The following MAPK10 variants were observed in gnomAD, a reference collection of about 807,000 sequenced individuals.
The protein encoded by MAPK10 is JNK3 alpha protein kinase.
A neutral mutation model predicts 59.3 loss-of-function variants in MAPK10; 25 were observed. That is an observed-to-expected ratio of 0.42 (90% CI 0.31 to 0.59). The LOEUF is 0.59. Among genes scored for constraint, MAPK10 ranks in the 20% least tolerant of loss-of-function variants. The pLI is 0.15. For missense variants in MAPK10, 351 were observed against 568.9 expected (o/e 0.62, Z 3.90); for synonymous variants, 190 against 200.5 (o/e 0.95, Z 0.44).
intron 2 of MAPK10, among the ~76,000 whole-genome samples, chr4:86,296,436 G>A (rs1248188625): frequency 6.6e-6 from 1 of 152,084 alleles, no homozygotes; most frequent in Admixed American, 6.5e-5. Flanking sequence ...ACCCCTGACA[G>A]ACAAATGGAA....
chr4:86,089,598 C>T (rs2052668117), intron 9 of MAPK10: 1 of 210,926 alleles, frequency 4.7e-6, no homozygotes, highest in African/African-American at 2.3e-5. Context: ...TTACTAGAAT[C>T]CTACTGATTT....
intron 2 of MAPK10, among the ~76,000 whole-genome samples, chr4:86,267,569 G>A (rs1028687394): frequency 2.0e-5 from 3 of 152,068 alleles, no homozygotes; most frequent in Admixed American, 2.0e-4. Context: ...TCTGTTCCCT[G>A]CCTCTCCTGG....
At chr4:86,270,165 C>A (rs1166028490) in intron 2 of MAPK10, among the ~76,000 whole-genome samples, 1 of 151,976 alleles carries the variant, frequency 6.6e-6, no homozygotes, top group Non-Finnish European at 1.5e-5. Context: ...AAATTGAATG[C>A]AAAATTCTAT....
intron 4 of MAPK10, among the ~76,000 whole-genome samples, chr4:86,131,627 G>A (rs545916219): frequency 1.3e-5 from 2 of 152,276 alleles, no homozygotes; most frequent in East Asian, 3.9e-4. Flanking sequence ...TGAATTACTG[G>A]CAGCATGTTG....
At chr4:86,035,552 T>G (rs1460889363) in intron 11 of MAPK10, among the ~76,000 whole-genome samples, 2 of 151,032 alleles carry the variant, frequency 1.3e-5, no homozygotes, top group Admixed American at 1.3e-4. Flanking sequence ...AAAAAAATAT[T>G]GAAAGTTCTG....
chr4:86,260,548 T>C (rs1433756223), intron 2 of MAPK10, among the ~76,000 whole-genome samples: 1 of 152,074 alleles, frequency 6.6e-6, no homozygotes, highest in Admixed American at 6.5e-5. Context: ...TCCATTGAAG[T>C]TCAAGGGAGA....
intron 1 of MAPK10, among the ~76,000 whole-genome samples, chr4:86,394,518 A>G (rs1160854199): frequency 6.6e-6 from 1 of 152,118 alleles, no homozygotes; most frequent in Non-Finnish European, 1.5e-5. Context: ...GTTTTTTGCT[A>G]CAAATAATAT....
upstream of MAPK10, among the ~76,000 whole-genome samples, chr4:86,454,750 T>C (rs1377505514): frequency 1.3e-5 from 2 of 152,150 alleles, no homozygotes; most frequent in African/African-American, 2.4e-5. Context: ...GCTAGAGAAC[T>C]AGACATCCAA....
intron 13 of MAPK10, chr4:86,025,404 C>A: frequency 2.5e-6 from 1 of 396,648 alleles, no homozygotes; most frequent in South Asian, 1.3e-4. Context: ...AACAGGAGTT[C>A]TAAACCATAA....
At chr4:86,489,344 C>T (rs1754277764) in intron 1 of MAPK10, among the ~76,000 whole-genome samples, 1 of 152,150 alleles carries the variant, frequency 6.6e-6, no homozygotes, top group Admixed American at 6.5e-5. Context: ...CCTCCTACCT[C>T]CTGGCTGTCC....
chr4:86,481,288 A>G (rs1473242116), intron 1 of MAPK10, among the ~76,000 whole-genome samples: 8 of 152,144 alleles, frequency 5.3e-5, no homozygotes, highest in Non-Finnish European at 5.9e-5. Flanking sequence ...GGAGAAAATC[A>G]GAGAGACCTT....
chr4:86,127,360 ATGAT>A (rs1052270278), intron 4 of MAPK10, among the ~76,000 whole-genome samples: 15 of 152,080 alleles, frequency 9.9e-5, no homozygotes, highest in African/African-American at 2.7e-4. Context: ...AAACTAATTG[ATGAT>A]TGATGTACTC....
chr4:86,298,502 G>A (rs2095411078), intron 2 of MAPK10, among the ~76,000 whole-genome samples: 1 of 152,200 alleles, frequency 6.6e-6, no homozygotes. Context: ...GCCAGTTCCT[G>A]ATGATGCCTT....
intron 1 of MAPK10, among the ~76,000 whole-genome samples, chr4:86,551,103 T>C (rs1343484997): frequency 6.6e-6 from 1 of 152,194 alleles, no homozygotes; most frequent in Non-Finnish European, 1.5e-5. Flanking sequence ...GACATCAAGA[T>C]TTGTGGCAAT....
intron 1 of MAPK10, among the ~76,000 whole-genome samples, chr4:86,479,993 A>C (rs1040637365): frequency 2.0e-5 from 3 of 151,942 alleles, no homozygotes; most frequent in Non-Finnish European, 4.4e-5. Context: ...ACCACCCCCA[A>C]AAATTTTCGC....
At chr4:86,189,212 G>T (rs1014339690) in intron 3 of MAPK10, among the ~76,000 whole-genome samples, 2 of 152,118 alleles carry the variant, frequency 1.3e-5, no homozygotes, top group African/African-American at 4.8e-5. Context: ...GCTTAGGATT[G>T]TCTTGGCTTT....
At chr4:86,559,680 C>T (rs1428007249) in intron 1 of MAPK10, among the ~76,000 whole-genome samples, 2 of 152,044 alleles carry the variant, frequency 1.3e-5, no homozygotes, top group South Asian at 4.1e-4. Context: ...TGCCTCTAAT[C>T]CCAGCACTTC....
upstream of MAPK10, chr4:86,453,570 AC>A (rs1198718797): frequency 1.9e-5 from 1 of 52,416 alleles, no homozygotes; most frequent in African/African-American, 7.0e-5. Context: ...CCTCACCCCC[AC>A]CCCCCCACCC....
intron 1 of MAPK10, among the ~76,000 whole-genome samples, chr4:86,365,497 A>AT (rs1218319330): frequency 7.2e-6 from 1 of 139,458 alleles, no homozygotes; most frequent in Non-Finnish European, 1.5e-5. Flanking sequence ...TTATGACTTA[A>AT]TCCTCTATTT....
Sources: gnomAD v4.1 joint callset for allele counts (sites outside exome capture counted in the v4.1 genomes callset) on GRCh38, gnomAD v4.1.1 for gene constraint, MANE v1.5 for transcripts, NCBI Gene and HGNC (gene_info 2026-07-23, HGNC 2026-07-21) for gene names.